The following KREMEN1 variants were observed in gnomAD, a reference collection of about 807,000 sequenced individuals.
KREMEN1 encodes the protein kremen protein 1.
KREMEN1 carries 30 observed loss-of-function variants against 46.5 expected under a neutral mutation model. That is an observed-to-expected ratio of 0.65 (90% confidence interval 0.48 to 0.88). KREMEN1 has a LOEUF of 0.88. KREMEN1 is among the 40% of genes least tolerant of loss of function. The pLI is 0.00. For missense variants in KREMEN1, 533 were observed against 596.9 expected (o/e 0.89, Z 1.11); for synonymous variants, 214 against 230.6 (o/e 0.93, Z 0.65).
chr22:29,083,466 A>G (rs932139936), intron 1 of KREMEN1, among the ~76,000 whole-genome samples: 1 of 152,208 alleles, frequency 6.6e-6, no homozygotes, highest in Non-Finnish European at 1.5e-5. Context: ...TTGGACTTCA[A>G]TTTGATGGTT....
Position 29,142,068 on chromosome 22 carries a change from G to A in KREMEN1, c.1333G>A (p.Gly445Ser), listed in dbSNP as rs1446599045. 1 of 1,612,102 alleles carries A rather than the reference G, an allele frequency of 6.2e-7. No homozygotes were observed. Among genetic ancestry groups the A allele is most frequent in the Non-Finnish European group, 8.5e-7 (1 of 1,179,138 alleles). The change falls in exon 9 of 9, where the codon GGT becomes AGT. Residue 445 changes from glycine to serine, a missense_variant. Physicochemically the swap from Gly to Ser is moderately conservative, Grantham distance 56. Coordinates refer to ENST00000400335, the MANE Select transcript of KREMEN1 (RefSeq NM_001039570.3). ...SISIFKKKLK[G>S]QSQQDDRNPL... Reference sequence around the variant, plus strand: ...TTCCATCTTTAAGAAGAAACTCAAGGGTCAGAGTCAACAAGATGACCGCAA... The same window carrying A: ...TTCCATCTTTAAGAAGAAACTCAAGAGTCAGAGTCAACAAGATGACCGCAA...
Position 29,073,203 on chromosome 22 carries a change from AGCCCCGGCCTCG to A in KREMEN1, c.81_92del (p.Leu28_Gly31del). ...CACGCTGGCGGCCCGGCCCGCGCCTAGCCCCGGCCTCGGCCCCGGACCCGGTGAGTGTGAGCG... is the reference window on the plus strand; with the variant it reads ...CACGCTGGCGGCCCGGCCCGCGCCTAGCCCCGGACCCGGTGAGTGTGAGCG... On this transcript the variant is annotated inframe_deletion, in exon 1 of 9. Transcript: ENST00000400335. This position sits in a 1 kb window ranked among gnomAD's most constrained non-coding sequence, Gnocchi z 4.4. 8.5e-7 allele frequency: 1 copy of A among 1,182,752 alleles called. No homozygotes were observed. Among genetic ancestry groups the A allele is most frequent in the Non-Finnish European group, 1.0e-6 (1 of 958,630 alleles). 73.3% of individuals were successfully genotyped at this position (1,182,752 alleles called of 1,614,324 possible). A position where few individuals can be genotyped will look rare whatever the true frequency, so the allele number is the denominator to read the frequency against.
chr22:29,142,375 A>T lies in KREMEN1; in HGVS notation c.*263A>T, dbSNP rs1032999753. The T allele has an allele frequency of 8.6e-7, 1 of 1,163,500 alleles. No homozygotes were observed. The highest frequency in any genetic ancestry group is 4.7e-5 in the Admixed American group (1 of 21,364). 72.1% of individuals were successfully genotyped at this position (1,163,500 alleles called of 1,614,324 possible). A position where few individuals can be genotyped will look rare whatever the true frequency, so the allele number is the denominator to read the frequency against. On this transcript the variant is annotated 3_prime_UTR_variant, in exon 9 of 9. Coordinates refer to ENST00000400335, the MANE Select transcript of KREMEN1 (RefSeq NM_001039570.3). Reference sequence around the variant, plus strand: ...CCGGCCCTCTCTGCATCTCTCTCTGATCTAGCTAGCAGTGGGGGTGTCAGG... The same window carrying T: ...CCGGCCCTCTCTGCATCTCTCTCTGTTCTAGCTAGCAGTGGGGGTGTCAGG...
At chr22:29,159,106 C>G (rs2038987396) in intron 9 of KREMEN1, among the ~76,000 whole-genome samples, 1 of 148,810 alleles carries the variant, frequency 6.7e-6, no homozygotes, top group Non-Finnish European at 1.5e-5. Flanking sequence ...AGGCATGAGC[C>G]ACGGTGCCCA....
chr22:29,135,270 G>A (rs2038637523), intron 5 of KREMEN1, among the ~76,000 whole-genome samples: 1 of 152,162 alleles, frequency 6.6e-6, no homozygotes, highest in South Asian at 2.1e-4. Context: ...TACTTTGATA[G>A]GAAGGGGAAT....
rs1569325626 is a variant in KREMEN1, at chr22:29,120,083, ATG to A, written c.353-1273_353-1272del. On this transcript the variant is annotated intron_variant, in intron 3 of 8. Transcript: ENST00000400335. ...GGAGGAGGGAGAGGTGATGAAGGAA[ATG>A]GAGGAGGGAGAGGTGATGAAGGAAA... 1.7e-3 allele frequency among the ~76,000 whole-genome samples: 102 copies of A among 60,812 alleles called. 9 individuals are homozygous for A. The highest frequency in any genetic ancestry group is 9.5e-3 in the African/African-American group (78 of 8,206). The allele number at this position is 60,812 out of a possible 152,430, so 39.9% of individuals were successfully genotyped here.
chr22:29,097,060 A>G (rs1437527827), intron 2 of KREMEN1, among the ~76,000 whole-genome samples: 1 of 152,250 alleles, frequency 6.6e-6, no homozygotes, highest in East Asian at 1.9e-4. Flanking sequence ...TTTGGGCACA[A>G]GAAACAAAAG....
Position 29,137,689 on chromosome 22 carries a change from C to A in KREMEN1, c.964+15C>A. The A allele has an allele frequency of 1.3e-6, 2 of 1,569,596 alleles. No individual in the cohort carries two copies. Among genetic ancestry groups the A allele is most frequent in the Admixed American group, 1.7e-5 (1 of 58,694 alleles). On this transcript the variant is annotated intron_variant, in intron 6 of 8. Coordinates refer to ENST00000400335, the MANE Select transcript of KREMEN1 (RefSeq NM_001039570.3). ...TTTATACCAAGGTAAGACATCTTTG[C>A]CTCCTTGGGGGTTCTTCAGGGCCCA...
At chr22:29,081,962 C>T (rs541793544) in intron 1 of KREMEN1, among the ~76,000 whole-genome samples, 5 of 152,314 alleles carry the variant, frequency 3.3e-5, no homozygotes, top group African/African-American at 1.2e-4. Context: ...ACTGAAAAGC[C>T]CAGAGTCTGG....
rs2038808170 is a variant in KREMEN1 at position 29,143,748 on chromosome 22, A to T, written c.*1636A>T. The T allele has an allele frequency of 1.0e-6, 1 of 985,520 alleles. No homozygotes were observed. Among genetic ancestry groups the T allele is most frequent in the Non-Finnish European group, 1.2e-6 (1 of 830,290 alleles). 61.0% of individuals were successfully genotyped at this position (985,520 alleles called of 1,614,324 possible). A position where few individuals can be genotyped will look rare whatever the true frequency, so the allele number is the denominator to read the frequency against. On this transcript the variant is annotated 3_prime_UTR_variant, in exon 9 of 9. Coordinates refer to ENST00000400335, the MANE Select transcript of KREMEN1 (RefSeq NM_001039570.3). ...CAGTGCAAGACTCTGTCTCAAAAAAAAAAAAAACACTCCAAGGGCCATCCG... is the reference window on the plus strand; with the variant it reads ...CAGTGCAAGACTCTGTCTCAAAAAATAAAAAAACACTCCAAGGGCCATCCG...
chr22:29,099,471 C>G (rs1194594698), intron 3 of KREMEN1: 1 of 151,980 alleles, frequency 6.6e-6, no homozygotes, highest in Non-Finnish European at 1.5e-5. Flanking sequence ...ACTCACAACC[C>G]AATTTCTTCA....
chr22:29,076,573 G>C (rs1014083362), intron 1 of KREMEN1, among the ~76,000 whole-genome samples: 1 of 152,156 alleles, frequency 6.6e-6, no homozygotes, highest in Non-Finnish European at 1.5e-5. Context: ...CTTTGAGGCC[G>C]GGCGCGGTGG....
intron 5 of KREMEN1, 106 bp downstream of exon 5, chr22:29,125,522 G>T (rs1367519808): frequency 8.8e-7 from 1 of 1,130,482 alleles, no homozygotes; most frequent in Non-Finnish European, 1.2e-6. Context: ...TCATTCACTT[G>T]GCAATAGACA....
In KREMEN1 at chr22:29,145,452, G is replaced by A; in HGVS notation, c.*3340G>A. ...GGGCCTGCGTGCCATCCTCACCCCT[G>A]TTCCCCGCTGGCGCCAGGCCCTGCC... On this transcript the variant is annotated 3_prime_UTR_variant, in exon 9 of 9. Transcript: ENST00000400335. 1 of 985,608 alleles carries A rather than the reference G, an allele frequency of 1.0e-6. No individual in the cohort carries two copies. 61.1% of individuals were successfully genotyped at this position (985,608 alleles called of 1,614,324 possible).
At chr22:29,132,359 A>G (rs190558241) in intron 5 of KREMEN1, among the ~76,000 whole-genome samples, 4 of 152,314 alleles carry the variant, frequency 2.6e-5, no homozygotes, top group Non-Finnish European at 5.9e-5. Flanking sequence ...ATGTGGACAT[A>G]TGTTGTCATT....
chr22:29,120,055 C>G (rs1265588745), intron 3 of KREMEN1, among the ~76,000 whole-genome samples: 5 of 111,358 alleles, frequency 4.5e-5, no homozygotes, highest in Non-Finnish European at 7.3e-5. Flanking sequence ...ATGATGGAAA[C>G]AGGGAGGAGG....
chr22:29,163,979 C>T (rs1689029770), intron 9 of KREMEN1, among the ~76,000 whole-genome samples: 1 of 152,122 alleles, frequency 6.6e-6, no homozygotes, highest in Non-Finnish European at 1.5e-5. Flanking sequence ...GTGCAGGGCC[C>T]ATTCACAGAT....
chr22:29,151,357 T>C (rs2038913672), downstream of KREMEN1, among the ~76,000 whole-genome samples: 1 of 152,230 alleles, frequency 6.6e-6, no homozygotes, highest in Non-Finnish European at 1.5e-5. Context: ...GATCACCTGT[T>C]GTCAGGCATT....
chr22:29,084,206 C>T (rs952191931), intron 1 of KREMEN1, among the ~76,000 whole-genome samples: 1 of 152,126 alleles, frequency 6.6e-6, no homozygotes, highest in Non-Finnish European at 1.5e-5. Context: ...ACTTTCATCA[C>T]TATCTTGGTT....
Sources: gnomAD v4.1 joint callset for allele counts (sites outside exome capture counted in the v4.1 genomes callset) on GRCh38, gnomAD v4.1.1 for gene constraint, Gnocchi (gnomAD v3.1) non-coding constraint, MANE v1.5 for transcripts, NCBI Gene and HGNC (gene_info 2026-07-23, HGNC 2026-07-21) for gene names.